CLIC5: variants seen among roughly 807,000 people sequenced by gnomAD.
CLIC5 encodes chloride intracellular channel protein 5.
CLIC5 carries 20 observed loss-of-function variants against 24.7 expected under a neutral mutation model. That is an observed-to-expected ratio of 0.81 (90% CI 0.57 to 1.18). The LOEUF is 1.18. CLIC5 is among the 50% of genes most tolerant of loss of function. The pLI, the probability that CLIC5 is intolerant of heterozygous loss-of-function variation, is 0.00. For synonymous variants in CLIC5, 159 were observed against 135.6 expected, an observed-to-expected ratio of 1.17 and a Z score of -1.20; for missense variants, 341 against 326.1, an observed-to-expected ratio of 1.05 and a Z score of -0.35.
chr6:45,948,956 A>C (rs1434190676), intron 3 of CLIC5, among the ~76,000 whole-genome samples: 1 of 152,074 alleles, frequency 6.6e-6, no homozygotes, highest in Non-Finnish European at 1.5e-5. Flanking sequence ...AGCTGGAGAG[A>C]AGGAACATAC....
intron 1 of CLIC5, among the ~76,000 whole-genome samples, chr6:45,991,592 T>A (rs1765944897): frequency 6.6e-6 from 1 of 152,240 alleles, no homozygotes; most frequent in African/African-American, 2.4e-5. Context: ...TTGTGGTAAG[T>A]TGTTACACAG....
exon 1 of CLIC5, chr6:46,079,786 T>C (rs2127479212): frequency 6.4e-7 from 1 of 1,552,060 alleles, no homozygotes; most frequent in East Asian, 2.4e-5. Flanking sequence ...CAGGAATACT[T>C]GGTGGTAGAG....
chr6:46,027,357 A>G (rs1429859552), intron 1 of CLIC5, among the ~76,000 whole-genome samples: 2 of 152,218 alleles, frequency 1.3e-5, no homozygotes, highest in Admixed American at 6.5e-5. Context: ...AACAGCATGT[A>G]TGATGGCCCT....
chr6:46,097,970 A>C, the CLIC5 span, among the ~76,000 whole-genome samples: 1 of 152,190 alleles, frequency 6.6e-6, no homozygotes, highest in Admixed American at 6.5e-5. Context: ...AGCTGGCTTC[A>C]TATTAGAATC....
chr6:45,993,025 G>T (rs1243250453), intron 1 of CLIC5, among the ~76,000 whole-genome samples: 1 of 152,148 alleles, frequency 6.6e-6, no homozygotes, highest in African/African-American at 2.4e-5. Context: ...TTGAGGAGAG[G>T]TTTCCCATCA....
At position 45,900,586 on chromosome 6, in the gene CLIC5, A is replaced by G. The variant is rs1356771987; in HGVS notation, c.*2502T>C. The G allele has an allele frequency of 6.6e-6, 1 of 151,982 alleles. No homozygotes were observed. The highest frequency in any genetic ancestry group is 1.5e-5 in the Non-Finnish European group (1 of 68,008). The allele number at this position is 151,982 out of a possible 1,614,324, so 9.4% of individuals were successfully genotyped here. A position where few individuals can be genotyped will look rare whatever the true frequency, so the allele number is the denominator to read the frequency against. On this transcript the variant is annotated 3_prime_UTR_variant, in exon 6 of 6. Transcript: ENST00000339561. ...TATTGTTACTTTAATATACCATAAT[A>G]AATCTAGTCATAAGACACCATAACT...
chr6:46,113,375 G>A, the CLIC5 span, among the ~76,000 whole-genome samples: 1 of 152,112 alleles, frequency 6.6e-6, no homozygotes, highest in Non-Finnish European at 1.5e-5. Flanking sequence ...CGGGAAGAAG[G>A]GGGGTGGCCT....
At chr6:46,108,397 T>TGAGAGA in the CLIC5 span, among the ~76,000 whole-genome samples, 1,400 of 148,346 alleles carry the variant, frequency 9.4e-3, 10 homozygotes, top group Non-Finnish European at 0.014. Flanking sequence ...TGTGTGTGTG[T>TGAGAGA]GTGTGAGAGA....
chr6:46,042,016 T>C (rs1385261033), intron 1 of CLIC5, among the ~76,000 whole-genome samples: 1 of 152,208 alleles, frequency 6.6e-6, no homozygotes, highest in Non-Finnish European at 1.5e-5. Flanking sequence ...TCATTATCTA[T>C]ATAATGGGAA....
intron 2 of CLIC5, among the ~76,000 whole-genome samples, chr6:45,951,934 C>T (rs1764484018): frequency 6.6e-6 from 1 of 152,224 alleles, no homozygotes; most frequent in Admixed American, 6.5e-5. Flanking sequence ...GGAACTCAGA[C>T]AACTGAGACG....
intron 1 of CLIC5, among the ~76,000 whole-genome samples, chr6:46,030,726 T>TC (rs1246164627): frequency 6.6e-6 from 1 of 152,158 alleles, no homozygotes; most frequent in Non-Finnish European, 1.5e-5. Flanking sequence ...ATGCCTTTGC[T>TC]CATGTTGCTT....
chr6:45,973,748 A>T (rs1490062392), intron 1 of CLIC5, among the ~76,000 whole-genome samples: 6 of 152,116 alleles, frequency 3.9e-5, no homozygotes, highest in Non-Finnish European at 8.8e-5. Flanking sequence ...ACCATCCTGG[A>T]CAACATGGTT....
At chr6:45,933,876 T>C (rs1763836793) in intron 4 of CLIC5, among the ~76,000 whole-genome samples, 1 of 151,992 alleles carries the variant, frequency 6.6e-6, no homozygotes, top group African/African-American at 2.4e-5. Context: ...AACACAGGGA[T>C]TGTGAGATCG....
chr6:46,053,365 G>C (rs528069087), intron 1 of CLIC5, among the ~76,000 whole-genome samples: 1 of 152,336 alleles, frequency 6.6e-6, no homozygotes, highest in African/African-American at 2.4e-5. Context: ...ATTCAGAGGT[G>C]CTATATTAGA....
intron 1 of CLIC5, among the ~76,000 whole-genome samples, chr6:45,993,217 G>T (rs1766005697): frequency 6.6e-6 from 1 of 152,120 alleles, no homozygotes. Context: ...GTTCATAAGA[G>T]GAAAATTTCT....
intron 3 of CLIC5, among the ~76,000 whole-genome samples, chr6:45,942,862 G>A (rs1764178994): frequency 6.6e-6 from 1 of 152,176 alleles, no homozygotes; most frequent in African/African-American, 2.4e-5. Context: ...AGGCATTATT[G>A]TCCTCCTTTT....
the CLIC5 span, among the ~76,000 whole-genome samples, chr6:46,100,875 G>T: frequency 6.6e-6 from 1 of 152,098 alleles, no homozygotes. Context: ...CCTCAATGGG[G>T]TGCAGCAGCT....
At chr6:46,089,845 C>T in the CLIC5 span, among the ~76,000 whole-genome samples, 1 of 152,150 alleles carries the variant, frequency 6.6e-6, no homozygotes, top group Non-Finnish European at 1.5e-5. Flanking sequence ...TATTATTATA[C>T]ATTTTGGGAC....
At chr6:45,968,519 C>T (rs1260836881) in intron 1 of CLIC5, among the ~76,000 whole-genome samples, 1 of 152,130 alleles carries the variant, frequency 6.6e-6, no homozygotes, top group Non-Finnish European at 1.5e-5. Context: ...CAACTTGTTA[C>T]TTCTGCAGCT....
Sources: allele counts gnomAD v4.1 joint callset (sites outside exome capture counted in the v4.1 genomes callset), GRCh38; gene constraint gnomAD v4.1.1; transcripts MANE v1.5; gene names NCBI Gene and HGNC (gene_info 2026-07-23, HGNC 2026-07-21).